Variants in CADM2 observed in about 807,000 individuals in gnomAD.
The protein encoded by CADM2 is immunoglobulin superfamily member 4D.
Under a neutral mutation model 49.8 loss-of-function variants are expected in CADM2, and 12 were observed. The observed-to-expected ratio is 0.24, with a 90% CI of 0.15 to 0.39. The LOEUF (loss-of-function observed/expected upper bound fraction) is 0.39, where lower values mean the gene tolerates loss of function less well. Among genes scored for constraint, CADM2 ranks in the 10% least tolerant of loss-of-function variants. The pLI is 1.00. For synonymous variants in CADM2, 214 were observed against 175.4 expected (o/e 1.22, Z -1.74); for missense variants, 378 against 492.3 (o/e 0.77, Z 2.20).
intron 1 of CADM2, among the ~76,000 whole-genome samples, chr3:85,056,175 T>C (rs957518817): frequency 1.1e-4 from 16 of 152,232 alleles, no homozygotes; most frequent in African/African-American, 3.4e-4. Context: ...TATCCACTGA[T>C]GACTTCACCT....
chr3:85,398,649 A>G (rs1049321019), intron 1 of CADM2, among the ~76,000 whole-genome samples: 1 of 152,170 alleles, frequency 6.6e-6, no homozygotes, highest in Admixed American at 6.5e-5. Flanking sequence ...CTATTTCTCC[A>G]CATCCTCTCC....
chr3:85,395,012 A>G (rs2034700542), intron 1 of CADM2, among the ~76,000 whole-genome samples: 1 of 152,172 alleles, frequency 6.6e-6, no homozygotes, highest in South Asian at 2.1e-4. Flanking sequence ...ATTCAGGAAA[A>G]TAAGCAGTTT....
At chr3:85,633,776 G>T (rs1576981141) in intron 1 of CADM2, among the ~76,000 whole-genome samples, 1 of 151,994 alleles carries the variant, frequency 6.6e-6, no homozygotes, top group Admixed American at 6.6e-5. Flanking sequence ...TCCTTTCAAA[G>T]AAAGATTTTT....
chr3:85,289,519 C>G lies in CADM2; in HGVS notation c.61+329851C>G, dbSNP rs191706870. On this transcript the variant is annotated intron_variant, in intron 1 of 9. Transcript: ENST00000383699. ...TTGTCAATGTGGACAGCCAGTCAAG[C>G]CCCAACATGAACCTTCTTTAGTGTG... is the stretch of plus-strand genomic sequence containing the variant. 4.4e-4 allele frequency among the ~76,000 whole-genome samples: 67 copies of G among 152,260 alleles called. 1 individual carries two copies. In the East Asian group the frequency reaches 0.012, roughly 28 times the overall value.
intron 1 of CADM2, among the ~76,000 whole-genome samples, chr3:85,351,517 A>G (rs1336221093): frequency 1.3e-5 from 2 of 152,170 alleles, no homozygotes; most frequent in East Asian, 3.9e-4. Flanking sequence ...TTTGTCCCAC[A>G]CATGACCTTG....
intron 8 of CADM2, among the ~76,000 whole-genome samples, chr3:86,062,655 T>C (rs532731977): frequency 7.1e-6 from 1 of 140,524 alleles, no homozygotes; most frequent in African/African-American, 2.8e-5. Flanking sequence ...TTAGCTATGG[T>C]AGCGGGGCAC....
chr3:85,902,340 T>C (rs2108452382), intron 5 of CADM2, among the ~76,000 whole-genome samples: 1 of 152,168 alleles, frequency 6.6e-6, no homozygotes, highest in South Asian at 2.1e-4. Flanking sequence ...CACTCTAGCT[T>C]TCTATTGCTT....
intron 1 of CADM2, among the ~76,000 whole-genome samples, chr3:85,503,059 T>C (rs2040182650): frequency 7.3e-6 from 1 of 136,352 alleles, no homozygotes; most frequent in Non-Finnish European, 1.7e-5. Context: ...TAAGTTTTAG[T>C]TGAAATGGTA....
At chr3:85,987,141 G>T (rs895215088) in intron 8 of CADM2, among the ~76,000 whole-genome samples, 3 of 151,848 alleles carry the variant, frequency 2.0e-5, no homozygotes, top group Admixed American at 2.0e-4. Context: ...TTACTGACTT[G>T]TTTGCTGCAT....
chr3:85,675,557 C>G (rs905388176), intron 1 of CADM2, among the ~76,000 whole-genome samples: 1 of 152,112 alleles, frequency 6.6e-6, no homozygotes, highest in African/African-American at 2.4e-5. Flanking sequence ...TGTTCTCATG[C>G]ACAAGCATCT....
Position 85,568,447 on chromosome 3 carries a change from CTTTCTT to C in CADM2, c.62-158073_62-158068del, listed in dbSNP as rs1223962741. On this transcript the variant is annotated intron_variant, in intron 1 of 9. Transcript: ENST00000383699. ...TCTTTCTTTCTTTCTTTCTTTCTTT[CTTTCTT>C]TCTTTCTTTCTCTTTCTCTCTCTTT... Among the ~76,000 whole-genome samples the C allele has an allele frequency of 2.3e-3, 81 of 35,670 alleles. 2 individuals are homozygous for C. Among genetic ancestry groups the C allele is most frequent in the Non-Finnish European group, 3.7e-3 (60 of 16,180 alleles). 23.4% of individuals were successfully genotyped at this position (35,670 alleles called of 152,430 possible). A position where few individuals can be genotyped will look rare whatever the true frequency, so the allele number is the denominator to read the frequency against.
intron 3 of CADM2, among the ~76,000 whole-genome samples, chr3:85,868,921 C>A (rs375488669): frequency 1.3e-5 from 2 of 151,990 alleles, no homozygotes; most frequent in Non-Finnish European, 2.9e-5. Flanking sequence ...TTAATTGGAT[C>A]GTTTATTGTA....
At chr3:85,306,644 A>G (rs747212350) in intron 1 of CADM2, among the ~76,000 whole-genome samples, 4 of 151,676 alleles carry the variant, frequency 2.6e-5, no homozygotes, top group African/African-American at 4.8e-5. Flanking sequence ...ACTATTGTAT[A>G]GACTCTTATA....
At chr3:85,701,093 G>T (rs575993483) in intron 1 of CADM2, among the ~76,000 whole-genome samples, 1 of 152,058 alleles carries the variant, frequency 6.6e-6, no homozygotes, top group African/African-American at 2.4e-5. Context: ...TGGAGGCCTC[G>T]GGAAACTTAG....
intron 2 of CADM2, among the ~76,000 whole-genome samples, chr3:85,791,944 C>G (rs191663204): frequency 2.9e-4 from 44 of 152,222 alleles, no homozygotes; most frequent in African/African-American, 9.9e-4. Context: ...AGGATGGTCT[C>G]GATCTCCTGA....
chr3:85,325,673 G>A (rs2044731302), intron 1 of CADM2, among the ~76,000 whole-genome samples: 1 of 143,266 alleles, frequency 7.0e-6, no homozygotes, highest in Non-Finnish European at 1.5e-5. Flanking sequence ...CTGGGCCACA[G>A]GAGCAAGACT....
At chr3:85,413,609 C>T (rs77242693) in intron 1 of CADM2, among the ~76,000 whole-genome samples, 3,138 of 152,160 alleles carry the variant, frequency 0.021, 106 homozygotes, top group African/African-American at 0.071. Flanking sequence ...GGGCTGAGAA[C>T]GAGAAAGAGA....
chr3:85,084,525 G>A (rs2037297772), intron 1 of CADM2, among the ~76,000 whole-genome samples: 1 of 152,084 alleles, frequency 6.6e-6, no homozygotes, highest in Non-Finnish European at 1.5e-5. Flanking sequence ...ATGGGGCTTT[G>A]GCTAATCCAA....
chr3:85,485,565 T>C (rs1357280940), intron 1 of CADM2, among the ~76,000 whole-genome samples: 1 of 152,106 alleles, frequency 6.6e-6, no homozygotes, highest in Non-Finnish European at 1.5e-5. Context: ...AGTAATGTCA[T>C]GTAGCAATAT....
Sources: gnomAD v4.1 joint callset for allele counts (sites outside exome capture counted in the v4.1 genomes callset) on GRCh38, gnomAD v4.1.1 for gene constraint, MANE v1.5 for transcripts, NCBI Gene and HGNC (gene_info 2026-07-23, HGNC 2026-07-21) for gene names.